Variants in ZNF385B observed in about 807,000 individuals in gnomAD.
ZNF385B encodes zinc finger protein 385B, also known as zinc finger protein 533.
A neutral mutation model predicts 39.2 loss-of-function variants in ZNF385B; 23 were observed. The observed-to-expected ratio is 0.59, with a 90% CI of 0.42 to 0.83. The LOEUF (loss-of-function observed/expected upper bound fraction) is 0.83, where lower values mean the gene tolerates loss of function less well. Among genes scored for constraint, ZNF385B ranks in the 40% least tolerant of loss-of-function variants. The pLI, the probability that ZNF385B is intolerant of heterozygous loss-of-function variation, is 0.00. For missense variants in ZNF385B, 552 were observed against 598.9 expected (o/e 0.92, Z 0.82); for synonymous variants, 205 against 222.6 (o/e 0.92, Z 0.70).
intron 3 of ZNF385B, among the ~76,000 whole-genome samples, chr2:179,767,377 T>C (rs1703763527): frequency 6.6e-6 from 1 of 152,176 alleles, no homozygotes. Flanking sequence ...AAGAGCAGGC[T>C]GAGGCAGGGG....
At chr2:179,669,384 G>A (rs1489440844) in intron 3 of ZNF385B, among the ~76,000 whole-genome samples, 1 of 152,118 alleles carries the variant, frequency 6.6e-6, no homozygotes, top group African/African-American at 2.4e-5. Context: ...CAACACATAG[G>A]CTCGAACTCC....
intron 6 of ZNF385B, among the ~76,000 whole-genome samples, chr2:179,453,780 A>G (rs1393773815): frequency 1.3e-5 from 2 of 152,148 alleles, no homozygotes; most frequent in African/African-American, 4.8e-5. Flanking sequence ...CTTGGCAGCA[A>G]GAGGCTGAAG....
intron 6 of ZNF385B, among the ~76,000 whole-genome samples, chr2:179,450,181 C>T (rs2049952267): frequency 6.6e-6 from 1 of 151,904 alleles, no homozygotes; most frequent in African/African-American, 2.4e-5. Context: ...CCATTCAGGA[C>T]ATAGGCATGG....
At chr2:179,500,446 A>G (rs188430613) in intron 5 of ZNF385B, among the ~76,000 whole-genome samples, 1 of 152,272 alleles carries the variant, frequency 6.6e-6, no homozygotes, top group Non-Finnish European at 1.5e-5. Flanking sequence ...AAACTCAGAT[A>G]TCTACAGTGA....
intron 3 of ZNF385B, among the ~76,000 whole-genome samples, chr2:179,666,827 T>C (rs1289659003): frequency 6.6e-6 from 1 of 152,202 alleles, no homozygotes; most frequent in African/African-American, 2.4e-5. Context: ...TGCTCACATA[T>C]TTCTCTCACC....
At chr2:179,510,483 C>G (rs998245050) in intron 5 of ZNF385B, among the ~76,000 whole-genome samples, 1 of 151,648 alleles carries the variant, frequency 6.6e-6, no homozygotes, top group Non-Finnish European at 1.5e-5. Flanking sequence ...TTTTGACAAA[C>G]CCATTAGGGT....
intron 3 of ZNF385B, among the ~76,000 whole-genome samples, chr2:179,670,774 A>T (rs968279545): frequency 1.8e-4 from 27 of 152,180 alleles, no homozygotes; most frequent in African/African-American, 6.5e-4. Flanking sequence ...AAAGAGATAA[A>T]TTTTCTTCAT....
intron 3 of ZNF385B, among the ~76,000 whole-genome samples, chr2:179,739,779 A>G (rs1701980396): frequency 1.3e-5 from 2 of 152,138 alleles, no homozygotes; most frequent in Admixed American, 1.3e-4. Context: ...GATAAGCATC[A>G]GAGATCATTT....
chr2:179,676,090 C>T (rs1696735644), intron 3 of ZNF385B, among the ~76,000 whole-genome samples: 1 of 148,982 alleles, frequency 6.7e-6, no homozygotes, highest in Non-Finnish European at 1.5e-5. Context: ...GCCTGGCCAA[C>T]AGTATTTTTT....
rs549728071 is a variant in ZNF385B at position 179,498,832 on chromosome 2, T to A, written c.553-15398A>T. On this transcript the variant is annotated intron_variant, in intron 5 of 9. Coordinates refer to ENST00000410066, the MANE Select transcript of ZNF385B (RefSeq NM_152520.6). ...GTAGAAAAAAAGAATAGAGTAGAAA[T>A]AAATAAAATTGACATGAAAAACCAA... Among the ~76,000 whole-genome samples the A allele has an allele frequency of 1.4e-3, 204 of 150,996 alleles. 1 individual carries two copies. The highest frequency in any genetic ancestry group is 4.7e-3 in the African/African-American group (193 of 41,238).
intron 3 of ZNF385B, chr2:179,746,156 T>G: frequency 6.6e-6 from 3 of 451,304 alleles, no homozygotes; most frequent in Non-Finnish European, 8.8e-6. Context: ...ACAAGAAGGA[T>G]GTGATTATGA....
chr2:179,473,185 C>A (rs1168705094), intron 6 of ZNF385B, among the ~76,000 whole-genome samples: 4 of 152,102 alleles, frequency 2.6e-5, no homozygotes, highest in Non-Finnish European at 5.9e-5. Flanking sequence ...CCAAGAAGGC[C>A]CTTCCGCATC....
chr2:179,502,925 G>T (rs2056894119), intron 5 of ZNF385B, among the ~76,000 whole-genome samples: 1 of 152,160 alleles, frequency 6.6e-6, no homozygotes, highest in African/African-American at 2.4e-5. Context: ...CCAGGCTGCA[G>T]TGCAGTGGTG....
At chr2:179,847,962 GC>G (rs1708883750) in intron 1 of ZNF385B, among the ~76,000 whole-genome samples, 1 of 152,312 alleles carries the variant, frequency 6.6e-6, no homozygotes, top group African/African-American at 2.4e-5. Context: ...ATCATGCACA[GC>G]TTGGACAGAG....
At chr2:179,782,727 T>C (rs760913762) in intron 1 of ZNF385B, among the ~76,000 whole-genome samples, 4 of 152,270 alleles carry the variant, frequency 2.6e-5, no homozygotes, top group Admixed American at 6.6e-5. Context: ...CAGTCCCATT[T>C]ACAACTGCCA....
intron 6 of ZNF385B, among the ~76,000 whole-genome samples, chr2:179,477,266 T>G (rs929848864): frequency 1.3e-5 from 2 of 152,170 alleles, no homozygotes; most frequent in African/African-American, 4.8e-5. Flanking sequence ...AAATTGAAAA[T>G]GCACTTTCAT....
intron 1 of ZNF385B, among the ~76,000 whole-genome samples, chr2:179,819,945 G>A (rs1396543525): frequency 2.0e-5 from 3 of 152,084 alleles, no homozygotes; most frequent in African/African-American, 2.4e-5. Flanking sequence ...GAGATAGATC[G>A]AAATCATAGC....
intron 4 of ZNF385B, among the ~76,000 whole-genome samples, chr2:179,538,812 T>A (rs114287278): frequency 0.025 from 3,755 of 152,350 alleles, 146 homozygotes; most frequent in African/African-American, 0.084. Context: ...ACTGCCCTTG[T>A]ACTTGTGCTT....
intron 3 of ZNF385B, among the ~76,000 whole-genome samples, chr2:179,766,575 C>T (rs896536331): frequency 2.0e-5 from 3 of 152,010 alleles, no homozygotes; most frequent in Admixed American, 6.6e-5. Context: ...CTGTCTTCTC[C>T]CTGTATCTCT....
Sources: gnomAD v4.1 joint callset for allele counts (sites outside exome capture counted in the v4.1 genomes callset) on GRCh38, gnomAD v4.1.1 for gene constraint, MANE v1.5 for transcripts, NCBI Gene and HGNC (gene_info 2026-07-23, HGNC 2026-07-21) for gene names.